LVRN: variants seen among roughly 807,000 people sequenced by gnomAD.
LVRN encodes the protein aminopeptidase Q.
In LVRN, 99 loss-of-function variants were observed where a neutral mutation model predicts 111.4. That is an observed-to-expected ratio of 0.89 (90% CI 0.76 to 1.05). The LOEUF (loss-of-function observed/expected upper bound fraction) is 1.05. LVRN is among the 50% of genes least tolerant of loss of function. LVRN has a pLI of 0.00. For missense variants in LVRN, 1,414 were observed against 1,206.8 expected (o/e 1.17, Z -2.54); for synonymous variants, 488 against 449.5 (o/e 1.09, Z -1.08).
rs189828943 is a variant in LVRN at position 115,973,331 on chromosome 5, C to T, written c.696-9956C>T. Among the ~76,000 whole-genome samples, 10 of 152,246 alleles carry T rather than the reference C, an allele frequency of 6.6e-5. No individual in the cohort carries two copies. In the East Asian group the frequency reaches 1.9e-3, roughly 29 times the overall value. The stretch of plus-strand genomic sequence containing the variant: ...TCAAATTTTGCTTAGAATTTTTGCT[C>T]TATGTTCATGAGAGTTATGGACTTG... On this transcript the variant is annotated intron_variant, in intron 1 of 19. Transcript: ENST00000357872.
At chr5:116,000,364 A>C in intron 7 of LVRN, 69 bp from the exon 8 acceptor site, 1 of 1,561,684 alleles carries the variant, frequency 6.4e-7, no homozygotes, top group East Asian at 2.2e-5. Flanking sequence ...TATTGCTTAT[A>C]AATATGGAAT....
At chr5:116,022,603 T>G (rs1748754470) in intron 19 of LVRN, 137 bp downstream of exon 19, 2 of 625,814 alleles carry the variant, frequency 3.2e-6, no homozygotes, top group South Asian at 3.7e-5. Context: ...TGTATCACTG[T>G]GAAAGAAGTG....
At chr5:116,007,520 AC>A (rs1748399905) in intron 13 of LVRN, among the ~76,000 whole-genome samples, 1 of 152,048 alleles carries the variant, frequency 6.6e-6, no homozygotes, top group African/African-American at 2.4e-5. Context: ...CTTATCCCTG[AC>A]TTTTATATGT....
At chr5:115,972,533 C>G (rs535822821) in intron 1 of LVRN, among the ~76,000 whole-genome samples, 1 of 151,688 alleles carries the variant, frequency 6.6e-6, no homozygotes, top group South Asian at 2.1e-4. Context: ...GTCATACTGT[C>G]TTGAATAAAG....
chr5:115,992,325 G>T (rs781429172), intron 5 of LVRN, 48 bp downstream of exon 5: 69 of 1,604,584 alleles, frequency 4.3e-5, no homozygotes, highest in Non-Finnish European at 5.5e-5. Context: ...TATTCTCCAG[G>T]TGCGCTACCA....
At chr5:116,011,569 T>C (rs963798832) in intron 14 of LVRN, among the ~76,000 whole-genome samples, 8 of 152,126 alleles carry the variant, frequency 5.3e-5, no homozygotes, top group African/African-American at 1.2e-4. Context: ...GTATGTTAGG[T>C]AATGATTTCA....
chr5:116,005,152 G>A (rs1159778894), intron 12 of LVRN, among the ~76,000 whole-genome samples: 1 of 152,190 alleles, frequency 6.6e-6, no homozygotes, highest in African/African-American at 2.4e-5. Flanking sequence ...AAATGTGTTA[G>A]TACTGCCAGA....
At chr5:115,979,059 T>G (rs1753508357) in intron 1 of LVRN, among the ~76,000 whole-genome samples, 1 of 152,076 alleles carries the variant, frequency 6.6e-6, no homozygotes, top group African/African-American at 2.4e-5. Context: ...ATCTCAAAGC[T>G]CCTCCAGCCT....
intron 4 of LVRN, among the ~76,000 whole-genome samples, chr5:115,988,968 A>G (rs1321880946): frequency 2.6e-5 from 4 of 152,058 alleles, no homozygotes; most frequent in Admixed American, 2.6e-4. Context: ...CCCTTGAAGC[A>G]CACCCTCTAT....
chr5:115,999,023 C>T (rs974352682), intron 6 of LVRN, among the ~76,000 whole-genome samples: 1 of 152,108 alleles, frequency 6.6e-6, no homozygotes, highest in Non-Finnish European at 1.5e-5. Flanking sequence ...CTTGAGGGTT[C>T]CCGTGGATCA....
In LVRN at chr5:116,001,047, G is replaced by A; in HGVS notation, c.1648-20G>A. 1 of 1,574,898 alleles carries A rather than the reference G, an allele frequency of 6.3e-7. No individual in the cohort carries two copies. The highest frequency in any genetic ancestry group is 8.6e-7 in the Non-Finnish European group (1 of 1,166,852). On this transcript the variant is annotated intron_variant, in intron 9 of 19. Transcript: ENST00000357872. The stretch of plus-strand genomic sequence containing the variant: ...TTCACGGATAACCTTACCTGCCTTT[G>A]TGGTGATTTTTTAAAACAGGCCATA...
intron 13 of LVRN, 97 bp from the exon 14 acceptor site, chr5:116,010,644 T>C: frequency 8.0e-7 from 1 of 1,251,500 alleles, no homozygotes; most frequent in Non-Finnish European, 1.1e-6. Context: ...CATGCCTTAT[T>C]GAAGTCATGC....
chr5:115,967,943 CT>C (rs1423086477), intron 1 of LVRN, among the ~76,000 whole-genome samples: 8 of 152,162 alleles, frequency 5.3e-5, no homozygotes, highest in Non-Finnish European at 2.9e-5. Context: ...ATCCTGTTCT[CT>C]TGCTGAACTC....
At chr5:115,984,958 C>A (rs1445780833) in intron 3 of LVRN, among the ~76,000 whole-genome samples, 1 of 152,128 alleles carries the variant, frequency 6.6e-6, no homozygotes, top group African/African-American at 2.4e-5. Context: ...GGTCTGTGCC[C>A]CCTCTTCCCA....
chr5:115,997,860 A>G (rs138752472), intron 6 of LVRN, among the ~76,000 whole-genome samples: 14 of 152,302 alleles, frequency 9.2e-5, no homozygotes, highest in African/African-American at 2.9e-4. Flanking sequence ...GCATCACTTT[A>G]TGGGAGGCCC....
At chr5:116,019,615 C>A (rs1219950309) in intron 18 of LVRN, among the ~76,000 whole-genome samples, 1 of 152,184 alleles carries the variant, frequency 6.6e-6, no homozygotes, top group Non-Finnish European at 1.5e-5. Flanking sequence ...CAGAAGATTT[C>A]ATTTTATTTT....
intron 1 of LVRN, among the ~76,000 whole-genome samples, chr5:115,982,621 C>T (rs1018683422): frequency 6.6e-6 from 1 of 152,038 alleles, no homozygotes; most frequent in Non-Finnish European, 1.5e-5. Context: ...CTCGTCTGCT[C>T]GGGGTATTCT....
intron 13 of LVRN, among the ~76,000 whole-genome samples, chr5:116,008,559 C>A (rs1051144045): frequency 6.6e-6 from 1 of 150,936 alleles, no homozygotes; most frequent in Non-Finnish European, 1.5e-5. Context: ...AGGATAAGTT[C>A]TTGAAGGAAA....
chr5:116,000,318 T>A, intron 7 of LVRN, 115 bp from the exon 8 acceptor site: 1 of 1,417,290 alleles, frequency 7.1e-7, no homozygotes, highest in Non-Finnish European at 9.9e-7. Context: ...AACATTCAAC[T>A]AAAATGCAAA....
Sources: gnomAD v4.1 joint callset for allele counts (sites outside exome capture counted in the v4.1 genomes callset) on GRCh38, gnomAD v4.1.1 for gene constraint, MANE v1.5 for transcripts, NCBI Gene and HGNC (gene_info 2026-07-23, HGNC 2026-07-21) for gene names.